Variants in NEUROD2 observed in about 807,000 individuals in gnomAD.
The protein encoded by NEUROD2 is neuronal differentiation 2, also known as neurogenic differentiation factor 2.
Under a neutral mutation model 9.3 loss-of-function variants are expected in NEUROD2, and 5 were observed. The ratio of observed to expected loss-of-function variants is 0.54; its 90% confidence interval spans 0.28 to 1.13. NEUROD2 has a LOEUF of 1.13. NEUROD2 is among the 50% of genes most tolerant of loss of function. The pLI, the probability that NEUROD2 is intolerant of heterozygous loss-of-function variation, is 0.10. For missense variants in NEUROD2, 376 were observed against 549.2 expected, an observed-to-expected ratio of 0.68 and a Z score of 3.15; for synonymous variants, 277 against 257.3, an observed-to-expected ratio of 1.08 and a Z score of -0.73.
rs1233401625 is a variant in NEUROD2 at position 39,605,143 on chromosome 17, T to C, written c.*308A>G. ...GGGGAGGAGGAAACCTCAGCGAAGA[T>C]ATTGGGAATGGGGGAGGGGTGCCTC... On this transcript the variant is annotated 3_prime_UTR_variant, in exon 2 of 2. Coordinates refer to ENST00000302584, the MANE Select transcript of NEUROD2 (RefSeq NM_006160.4). This position sits in a 1 kb window ranked among gnomAD's most constrained non-coding sequence, Gnocchi z 6.8. 7 of 275,200 alleles carry C rather than the reference T, an allele frequency of 2.5e-5. No individual in the cohort carries two copies. Among genetic ancestry groups the C allele is most frequent in the Non-Finnish European group, 4.7e-5 (7 of 147,450 alleles). 17.0% of individuals were successfully genotyped at this position (275,200 alleles called of 1,614,324 possible). A position where few individuals can be genotyped will look rare whatever the true frequency, so the allele number is the denominator to read the frequency against.
Position 39,606,808 on chromosome 17 carries a change from C to T in NEUROD2, c.-5-204G>A, listed in dbSNP as rs1340628154. The T allele has an allele frequency of 3.8e-6, 2 of 524,114 alleles. No homozygotes were observed. Among genetic ancestry groups the T allele is most frequent in the East Asian group, 3.5e-5 (1 of 28,632 alleles). 32.5% of individuals were successfully genotyped at this position (524,114 alleles called of 1,614,324 possible). ...CCGGCTGCCGGCCTGGGATCTCGGC[C>T]CAGGCCCTCTCCCCGGCGCTGGGCC... On this transcript the variant is annotated intron_variant, in intron 1 of 1. Coordinates refer to ENST00000302584, the MANE Select transcript of NEUROD2 (RefSeq NM_006160.4). The surrounding 1 kb of genome is among the most constrained non-coding windows in gnomAD (Gnocchi z 7.8).
In NEUROD2 at chr17:39,604,152, TG is replaced by T; in HGVS notation, c.*1298del. On this transcript the variant is annotated 3_prime_UTR_variant, in exon 2 of 2. Transcript: ENST00000302584. ...CACCGAGGCACAGTCCGGGCAGGGG[TG>T]GGGCTGCCCCCAGGTCTCCATCCCC... 1 of 149,632 alleles carries T rather than the reference TG, an allele frequency of 6.7e-6. No homozygotes were observed. Among genetic ancestry groups the T allele is most frequent in the Non-Finnish European group, 1.5e-5 (1 of 67,042 alleles). The allele number at this position is 149,632 out of a possible 1,614,324, so 9.3% of individuals were successfully genotyped here.
At position 39,606,687 on chromosome 17, in the gene NEUROD2, C is replaced by T; in HGVS notation, c.-5-83G>A. ...TGGGGTACCGACGCCCCCCCACAAC[C>T]CTCCTCCACCCCCGAGTCTCGTGCG... On this transcript the variant is annotated intron_variant, in intron 1 of 1. Transcript: ENST00000302584. The surrounding 1 kb of genome is among the most constrained non-coding windows in gnomAD (Gnocchi z 7.8). The T allele has an allele frequency of 7.5e-7, 1 of 1,339,978 alleles. No individual in the cohort carries two copies. Among genetic ancestry groups the T allele is most frequent in the Middle Eastern group, 2.7e-4 (1 of 3,764 alleles). The allele number at this position is 1,339,978 out of a possible 1,614,324, so 83.0% of individuals were successfully genotyped here. A position where few individuals can be genotyped will look rare whatever the true frequency, so the allele number is the denominator to read the frequency against.
In NEUROD2 at chr17:39,606,628, A is replaced by C; in HGVS notation, c.-5-24T>G. On this transcript the variant is annotated intron_variant, in intron 1 of 1. Transcript: ENST00000302584. This position sits in a 1 kb window ranked among gnomAD's most constrained non-coding sequence, Gnocchi z 7.8. ...GCCTGAGGGCGCCCCGCGGGCGGGAAGGGGAGACAGACAGCACAAAGTGAG... is the reference window on the plus strand; with the variant it reads ...GCCTGAGGGCGCCCCGCGGGCGGGACGGGGAGACAGACAGCACAAAGTGAG... 1 of 1,523,318 alleles carries C rather than the reference A, an allele frequency of 6.6e-7. No homozygotes were observed. The highest frequency in any genetic ancestry group is 8.7e-7 in the Non-Finnish European group (1 of 1,146,610). 94.4% of individuals were successfully genotyped at this position (1,523,318 alleles called of 1,614,324 possible).
Position 39,605,884 on chromosome 17 carries a change from T to A in NEUROD2, c.716A>T (p.Tyr239Phe). The A allele has an allele frequency of 1.3e-6, 2 of 1,595,988 alleles. No homozygotes were observed. Among genetic ancestry groups the A allele is most frequent in the Non-Finnish European group, 1.7e-6 (2 of 1,173,680 alleles). ...GSGGPFAMHP[Y>F]PYPCSRLAGA... is the part of the protein sequence containing the mutation. ...CGCCAGGCGCGAGCACGGGTACGGG[T>A]AGGGGTGCATGGCGAACGGGCCGCC... The change falls in exon 2 of 2, where the codon TAC becomes TTC. Residue 239 changes from tyrosine (Y) to phenylalanine (F), a missense_variant. Transcript: ENST00000302584. The surrounding 1 kb of genome is among the most constrained non-coding windows in gnomAD (Gnocchi z 6.8).
chr17:39,603,988 G>T lies in NEUROD2; in HGVS notation c.*1463C>A, dbSNP rs1217180797. ...ATCCCCTGCCTCCGGTGGGCAGAGG[G>T]TCTCCTTTTGCCCCTTTTTGGGGGA... is the stretch of plus-strand genomic sequence containing the variant. On this transcript the variant is annotated 3_prime_UTR_variant, in exon 2 of 2. Coordinates refer to ENST00000302584, the MANE Select transcript of NEUROD2 (RefSeq NM_006160.4). 2 of 151,954 alleles carry T rather than the reference G, an allele frequency of 1.3e-5. No individual in the cohort carries two copies. The highest frequency in any genetic ancestry group is 4.9e-5 in the African/African-American group (2 of 40,708). 9.4% of individuals were successfully genotyped at this position (151,954 alleles called of 1,614,324 possible).
chr17:39,606,348 C>T lies in NEUROD2; in HGVS notation c.252G>A (p.Glu84=), dbSNP rs1235446717. ...KEEGELGGEE[E]EEEEEEEGLD... ...GTCCTTCTTCCTCCTCCTCTTCCTC[C>T]TCCTCCTCTCCCCCCAGCTCGCCTT... Residue 84 remains glutamate (E), a synonymous_variant, in exon 2 of 2, where the codon GAG becomes GAA. Coordinates refer to ENST00000302584, the MANE Select transcript of NEUROD2 (RefSeq NM_006160.4). This position sits in a 1 kb window ranked among gnomAD's most constrained non-coding sequence, Gnocchi z 7.8. The T allele has an allele frequency of 1.3e-6, 2 of 1,581,210 alleles. No homozygotes were observed. Among genetic ancestry groups the T allele is most frequent in the Admixed American group, 1.8e-5 (1 of 55,944 alleles).
At position 39,607,728 on chromosome 17, in the gene NEUROD2, C is replaced by G; in HGVS notation, c.-6G>C. 1.7e-6 allele frequency: 1 copy of G among 586,610 alleles called. No homozygotes were observed. Among genetic ancestry groups the G allele is most frequent in the Non-Finnish European group, 2.1e-6 (1 of 467,962 alleles). The allele number at this position is 586,610 out of a possible 1,614,324, so 36.3% of individuals were successfully genotyped here. ...TCTCGCTCCCTTTCGGACAACTTAC[C>G]TCGGAGAGGAGTCAAGGGGAGAGGG... On this transcript the variant is annotated splice_region_variant and 5_prime_UTR_variant, in exon 1 of 2. Coordinates refer to ENST00000302584, the MANE Select transcript of NEUROD2 (RefSeq NM_006160.4).
In NEUROD2 at chr17:39,606,891, G is replaced by A. The variant is rs567703956; in HGVS notation, c.-5-287C>T. The A allele has an allele frequency of 5.6e-4, 225 of 402,250 alleles. No individual in the cohort carries two copies. Among genetic ancestry groups the A allele is most frequent in the Non-Finnish European group, 8.4e-4 (190 of 226,560 alleles). 24.9% of individuals were successfully genotyped at this position (402,250 alleles called of 1,614,324 possible). A position where few individuals can be genotyped will look rare whatever the true frequency, so the allele number is the denominator to read the frequency against. On this transcript the variant is annotated intron_variant, in intron 1 of 1. Transcript: ENST00000302584. This position sits in a 1 kb window ranked among gnomAD's most constrained non-coding sequence, Gnocchi z 7.8. ...CTCCCCGCGCCTGCTTCTTCTCAGGGTCAGGGCAGGGACCGGGTGGGGGTT... is the reference window on the plus strand; with the variant it reads ...CTCCCCGCGCCTGCTTCTTCTCAGGATCAGGGCAGGGACCGGGTGGGGGTT...
Position 39,605,234 on chromosome 17 carries a change from T to C in NEUROD2, c.*217A>G. On this transcript the variant is annotated 3_prime_UTR_variant, in exon 2 of 2. Transcript: ENST00000302584. The surrounding 1 kb of genome is among the most constrained non-coding windows in gnomAD (Gnocchi z 6.8). ...TGGGAGAGAGGAGGAGGGAACCCCT[T>C]GGGGAGAGAGAAGGCGAGTCCCCTG... 1 of 535,608 alleles carries C rather than the reference T, an allele frequency of 1.9e-6. No homozygotes were observed. Among genetic ancestry groups the C allele is most frequent in the Non-Finnish European group, 3.2e-6 (1 of 312,912 alleles). The allele number at this position is 535,608 out of a possible 1,614,324, so 33.2% of individuals were successfully genotyped here. A position where few individuals can be genotyped will look rare whatever the true frequency, so the allele number is the denominator to read the frequency against.
rs1262304887 is a variant in NEUROD2 at position 39,605,387 on chromosome 17, C to T, written c.*64G>A. The stretch of plus-strand genomic sequence containing the variant: ...GGTAGGATGGGGGTGTCCCTGCGCT[C>T]TGGGGGCTGGGGACAGGGGGGCGGG... On this transcript the variant is annotated 3_prime_UTR_variant, in exon 2 of 2. Transcript: ENST00000302584. This position sits in a 1 kb window ranked among gnomAD's most constrained non-coding sequence, Gnocchi z 6.8. 2.0e-6 allele frequency: 3 copies of T among 1,464,456 alleles called. No individual in the cohort carries two copies. The highest frequency in any genetic ancestry group is 2.7e-6 in the Non-Finnish European group (3 of 1,102,604). The allele number at this position is 1,464,456 out of a possible 1,614,324, so 90.7% of individuals were successfully genotyped here.
chr17:39,605,777 C>G lies in NEUROD2; in HGVS notation c.823G>C (p.Glu275Gln), dbSNP rs1205059479. 3.5e-6 allele frequency: 5 copies of G among 1,445,750 alleles called. No individual in the cohort carries two copies. The highest frequency in any genetic ancestry group is 1.5e-5 in the African/African-American group (1 of 67,590). The allele number at this position is 1,445,750 out of a possible 1,614,324, so 89.6% of individuals were successfully genotyped here. The part of the protein sequence containing the change: ...LRTHGYCAAY[E>Q]TLYAAAGGGG... ...CCGCCTGCCGCCGCATACAGCGTCT[C>G]GTAGGCGGCGCAGTAGCCGTGGGTC... The change falls in exon 2 of 2, where the codon GAG becomes CAG. Residue 275 changes from glutamate (E) to glutamine (Q), a missense_variant. By Grantham distance (29) the Glu-to-Gln change is conservative (BLOSUM62 2). This residue lies in a region of NEUROD2 where 193 missense variants were observed against 255.8 expected (regional missense o/e 0.75). Coordinates refer to ENST00000302584, the MANE Select transcript of NEUROD2 (RefSeq NM_006160.4). The surrounding 1 kb of genome is among the most constrained non-coding windows in gnomAD (Gnocchi z 6.8).
chr17:39,607,898 C>G lies in NEUROD2; in HGVS notation c.-176G>C, dbSNP rs1022402499. On this transcript the variant is annotated 5_prime_UTR_variant, in exon 1 of 2. Coordinates refer to ENST00000302584, the MANE Select transcript of NEUROD2 (RefSeq NM_006160.4). ...GGCGTCTTCAGAGCGCCATGCGAAC[C>G]GCGGAGCGAGTGTGGCATCTCTACC... 3 of 152,186 alleles carry G rather than the reference C, an allele frequency of 2.0e-5. No individual in the cohort carries two copies. Among genetic ancestry groups the G allele is most frequent in the Non-Finnish European group, 2.9e-5 (2 of 68,106 alleles). The allele number at this position is 152,186 out of a possible 1,614,324, so 9.4% of individuals were successfully genotyped here.
rs67001366 is a variant in NEUROD2 at position 39,604,755 on chromosome 17, CTTT to C, written c.*693_*695del. On this transcript the variant is annotated 3_prime_UTR_variant, in exon 2 of 2. Coordinates refer to ENST00000302584, the MANE Select transcript of NEUROD2 (RefSeq NM_006160.4). ...GCGTTCGGCTTCCGTCGCCTCTTAG[CTTT>C]TTTTTTTTTTTTTTTTTTTTTTTTT... 9.0e-5 allele frequency: 2 copies of C among 22,330 alleles called. No homozygotes were observed. The highest frequency in any genetic ancestry group is 2.0e-4 in the African/African-American group (1 of 4,894). 1.4% of individuals were successfully genotyped at this position (22,330 alleles called of 1,614,324 possible).
In NEUROD2 at chr17:39,606,798, G is replaced by C. The variant is rs1490918432; in HGVS notation, c.-5-194C>G. 1.8e-6 allele frequency: 1 copy of C among 555,680 alleles called. No homozygotes were observed. Among genetic ancestry groups the C allele is most frequent in the South Asian group, 2.6e-5 (1 of 38,802 alleles). The allele number at this position is 555,680 out of a possible 1,614,324, so 34.4% of individuals were successfully genotyped here. A position where few individuals can be genotyped will look rare whatever the true frequency, so the allele number is the denominator to read the frequency against. ...CCAGCCCTACCCGGCTGCCGGCCTG[G>C]GATCTCGGCCCAGGCCCTCTCCCCG... On this transcript the variant is annotated intron_variant, in intron 1 of 1. Transcript: ENST00000302584. This position sits in a 1 kb window ranked among gnomAD's most constrained non-coding sequence, Gnocchi z 7.8.
chr17:39,605,456 T>C lies in NEUROD2; in HGVS notation c.1144A>G (p.Asn382Asp). ...MYEELNAFFH[N>D] is the part of the protein sequence containing the mutation. Reference sequence around the variant, plus strand: ...AAGGGAGCCGGCGCGAAGTCTCAGTTATGAAAAAACGCATTGAGCTCCTCG... The same window carrying C: ...AAGGGAGCCGGCGCGAAGTCTCAGTCATGAAAAAACGCATTGAGCTCCTCG... Residue 382 changes from asparagine (N) to aspartate (D), a missense_variant, in exon 2 of 2, where the codon AAC (asparagine) becomes GAC (aspartate). Physicochemically the swap from Asn to Asp is conservative, Grantham distance 23. Coordinates refer to ENST00000302584, the MANE Select transcript of NEUROD2 (RefSeq NM_006160.4). This position sits in a 1 kb window ranked among gnomAD's most constrained non-coding sequence, Gnocchi z 6.8. The C allele has an allele frequency of 6.3e-7, 1 of 1,575,460 alleles. No homozygotes were observed. Among genetic ancestry groups the C allele is most frequent in the Non-Finnish European group, 8.6e-7 (1 of 1,157,622 alleles).
chr17:39,606,105 T>C lies in NEUROD2; in HGVS notation c.495A>G (p.Leu165=), dbSNP rs773513439. Residue 165 remains leucine (L), a synonymous_variant, in exon 2 of 2, where the codon CTA becomes CTG. Transcript: ENST00000302584. This position sits in a 1 kb window ranked among gnomAD's most constrained non-coding sequence, Gnocchi z 7.8. ...QKLSKIETLR[L]AKNYIWALSE... is the part of the protein sequence containing the mutation. ...AGAGCGCCCAGATATAGTTCTTGGCTAGGCGCAGCGTCTCGATCTTGGACA... is the reference window on the plus strand; with the variant it reads ...AGAGCGCCCAGATATAGTTCTTGGCCAGGCGCAGCGTCTCGATCTTGGACA... 6.2e-7 allele frequency: 1 copy of C among 1,614,082 alleles called. No individual in the cohort carries two copies. Among genetic ancestry groups the C allele is most frequent in the Non-Finnish European group, 8.5e-7 (1 of 1,180,000 alleles).
At position 39,605,230 on chromosome 17, in the gene NEUROD2, C is replaced by A; in HGVS notation, c.*221G>T. ...TCCTTGGGAGAGAGGAGGAGGGAACCCCTTGGGGAGAGAGAAGGCGAGTCC... is the reference window on the plus strand; with the variant it reads ...TCCTTGGGAGAGAGGAGGAGGGAACACCTTGGGGAGAGAGAAGGCGAGTCC... On this transcript the variant is annotated 3_prime_UTR_variant, in exon 2 of 2. Transcript: ENST00000302584. The surrounding 1 kb of genome is among the most constrained non-coding windows in gnomAD (Gnocchi z 6.8). 3.8e-6 allele frequency: 2 copies of A among 528,272 alleles called. No individual in the cohort carries two copies. The highest frequency in any genetic ancestry group is 3.0e-5 in the South Asian group (1 of 33,516). The allele number at this position is 528,272 out of a possible 1,614,324, so 32.7% of individuals were successfully genotyped here. A position where few individuals can be genotyped will look rare whatever the true frequency, so the allele number is the denominator to read the frequency against.
chr17:39,607,210 TCCCGGAG>T (rs2056773000), intron 1 of NEUROD2: 1 of 151,824 alleles, frequency 6.6e-6, no homozygotes, highest in Non-Finnish European at 1.5e-5. Flanking sequence ...CGTCCCCAGC[TCCCGGAG>T]CCGGCTCTGG....
Sources: allele counts gnomAD v4.1 joint callset, GRCh38; gene constraint gnomAD v4.1.1; regional missense constraint gnomAD v4.1.1; non-coding constraint Gnocchi (gnomAD v3.1); transcripts MANE v1.5; gene names NCBI Gene and HGNC (gene_info 2026-07-23, HGNC 2026-07-21).